Variants in CSMD1 observed in about 807,000 individuals in gnomAD.
CSMD1 encodes CUB and sushi domain-containing protein 1.
A neutral mutation model predicts 417.5 loss-of-function variants in CSMD1; 213 were observed. The observed-to-expected ratio is 0.51, with a 90% CI of 0.46 to 0.57. The LOEUF (loss-of-function observed/expected upper bound fraction) is 0.57, where lower values mean the gene tolerates loss of function less well. Among genes scored for constraint, CSMD1 ranks in the 20% least tolerant of loss-of-function variants. The pLI is 0.00. For missense variants in CSMD1, 6,923 were observed against 4,529.7 expected, an observed-to-expected ratio of 1.53 and a Z score of -15.17; for synonymous variants, 2,862 against 1,736.8, an observed-to-expected ratio of 1.65 and a Z score of -16.11.
chr8:3,772,607 ATATT>A (rs1403138829), intron 5 of CSMD1, among the ~76,000 whole-genome samples: 2 of 140,480 alleles, frequency 1.4e-5, no homozygotes, highest in African/African-American at 2.7e-5. Flanking sequence ...ATATACACAT[ATATT>A]TATATACATA....
intron 2 of CSMD1, among the ~76,000 whole-genome samples, chr8:4,606,228 G>A (rs1800860713): frequency 1.3e-5 from 2 of 152,126 alleles, no homozygotes; most frequent in East Asian, 1.9e-4. Context: ...GAGTTGGAAG[G>A]AGAAAATATG....
Position 3,472,978 on chromosome 8 carries a change from C to G in CSMD1, c.1449-4154G>C, listed in dbSNP as rs181242593. Reference sequence around the variant, plus strand: ...CCTCTCAGCTGAACACTGATTATCTCACACCCACCCCACCAAAGTAGGCTC... The same window carrying G: ...CCTCTCAGCTGAACACTGATTATCTGACACCCACCCCACCAAAGTAGGCTC... On this transcript the variant is annotated intron_variant, in intron 11 of 69. Coordinates refer to ENST00000635120, the MANE Select transcript of CSMD1 (RefSeq NM_033225.6). 2.9e-3 allele frequency among the ~76,000 whole-genome samples: 436 copies of G among 152,232 alleles called. 4 individuals carry two copies. Among genetic ancestry groups the G allele is most frequent in the African/African-American group, 0.01 (416 of 41,542 alleles).
chr8:4,800,493 T>C (rs977809094), intron 1 of CSMD1, among the ~76,000 whole-genome samples: 1 of 151,748 alleles, frequency 6.6e-6, no homozygotes, highest in Admixed American at 6.6e-5. Context: ...TTAGGTTTAA[T>C]TCCTGGGAAA....
chr8:3,416,799 G>C (rs796706451), intron 12 of CSMD1, among the ~76,000 whole-genome samples: 4 of 152,302 alleles, frequency 2.6e-5, no homozygotes, highest in South Asian at 2.1e-4. Flanking sequence ...TGTTCTCTGT[G>C]ACCTGTCTCC....
intron 1 of CSMD1, among the ~76,000 whole-genome samples, chr8:4,765,202 T>TA (rs1031789084): frequency 1.4e-4 from 21 of 151,996 alleles, no homozygotes; most frequent in East Asian, 3.9e-4. Context: ...TTCCGTCTCA[T>TA]AAAAAAAATG....
chr8:4,645,686 A>G (rs1442276186), intron 1 of CSMD1, among the ~76,000 whole-genome samples: 1 of 152,078 alleles, frequency 6.6e-6, no homozygotes. Flanking sequence ...AAAAAAGATG[A>G]TTATTGTCAT....
chr8:4,284,839 A>G (rs1796974895), intron 3 of CSMD1, among the ~76,000 whole-genome samples: 2 of 152,142 alleles, frequency 1.3e-5, no homozygotes, highest in African/African-American at 4.8e-5. Flanking sequence ...AAAACAAAAC[A>G]AAACAAAGAA....
At chr8:2,949,437 G>A (rs1278082069) in intron 67 of CSMD1, 51 bp from the exon 68 acceptor site, 2 of 873,792 alleles carry the variant, frequency 2.3e-6, no homozygotes, top group African/African-American at 1.7e-5. Flanking sequence ...ACGAAGGGAT[G>A]AATAATATCC....
intron 29 of CSMD1, among the ~76,000 whole-genome samples, chr8:3,218,739 G>C (rs1408476152): frequency 6.6e-6 from 1 of 151,838 alleles, no homozygotes; most frequent in Non-Finnish European, 1.5e-5. Context: ...GTGTATGGTG[G>C]CATGCTCCTG....
chr8:4,290,872 T>C (rs1262491030), intron 3 of CSMD1, among the ~76,000 whole-genome samples: 1 of 152,198 alleles, frequency 6.6e-6, no homozygotes, highest in African/African-American at 2.4e-5. Context: ...TTGTGACTCA[T>C]CATCCTTTAC....
intron 3 of CSMD1, among the ~76,000 whole-genome samples, chr8:4,216,405 C>T (rs569222711): frequency 2.6e-5 from 4 of 152,262 alleles, no homozygotes; most frequent in East Asian, 1.9e-4. Context: ...CTATTGTGTG[C>T]ATGGTAAAAT....
chr8:3,673,815 A>G (rs546833644), intron 7 of CSMD1, among the ~76,000 whole-genome samples: 4 of 152,284 alleles, frequency 2.6e-5, no homozygotes, highest in African/African-American at 9.6e-5. Flanking sequence ...GCAACACGCC[A>G]TCATTAGGAA....
intron 3 of CSMD1, among the ~76,000 whole-genome samples, chr8:4,140,712 T>C (rs1188788883): frequency 6.6e-6 from 1 of 150,796 alleles, no homozygotes; most frequent in African/African-American, 2.5e-5. Context: ...TGGATGGTGT[T>C]CTGGACAATC....
intron 7 of CSMD1, among the ~76,000 whole-genome samples, chr8:3,646,796 G>A (rs1400694701): frequency 6.6e-6 from 1 of 152,030 alleles, no homozygotes; most frequent in Non-Finnish European, 1.5e-5. Context: ...CTTCCTCATT[G>A]TTCCAGCCCT....
chr8:4,657,668 A>G (rs1258242041), intron 1 of CSMD1, among the ~76,000 whole-genome samples: 1 of 151,992 alleles, frequency 6.6e-6, no homozygotes, highest in Non-Finnish European at 1.5e-5. Flanking sequence ...CCAGTTCTCA[A>G]AAAATCATAA....
At chr8:3,781,613 A>T (rs576275511) in intron 5 of CSMD1, among the ~76,000 whole-genome samples, 1 of 152,298 alleles carries the variant, frequency 6.6e-6, no homozygotes, top group East Asian at 1.9e-4. Context: ...AGTCTCACAT[A>T]CCATCAAGAA....
intron 3 of CSMD1, among the ~76,000 whole-genome samples, chr8:4,201,065 C>T (rs1006546843): frequency 6.6e-6 from 1 of 152,194 alleles, no homozygotes; most frequent in African/African-American, 2.4e-5. Context: ...TCACTACTTT[C>T]TACCTAGATA....
At chr8:3,576,268 AAAT>A (rs60673988) in intron 9 of CSMD1, among the ~76,000 whole-genome samples, 10,207 of 147,618 alleles carry the variant, frequency 0.069, 998 homozygotes, top group African/African-American at 0.22. Flanking sequence ...ATGCATGTCA[AAAT>A]AATAATAATA....
At chr8:4,465,935 G>C (rs953321712) in intron 2 of CSMD1, among the ~76,000 whole-genome samples, 2 of 152,182 alleles carry the variant, frequency 1.3e-5, no homozygotes, top group African/African-American at 2.4e-5. Flanking sequence ...AAAGTCAGTA[G>C]AGAAATTATG....
Sources: gnomAD v4.1 joint callset for allele counts (sites outside exome capture counted in the v4.1 genomes callset) on GRCh38, gnomAD v4.1.1 for gene constraint, MANE v1.5 for transcripts, NCBI Gene and HGNC (gene_info 2026-07-23, HGNC 2026-07-21) for gene names.